Variants in RBM39 observed in about 807,000 individuals in gnomAD.
RBM39 encodes RNA-binding protein 39.
Under a neutral mutation model 79.6 loss-of-function variants are expected in RBM39, and 12 were observed. The observed-to-expected ratio is 0.15, with a 90% CI of 0.10 to 0.24. The LOEUF is 0.24. RBM39 is among the 10% of genes least tolerant of loss of function. RBM39 has a pLI of 1.00. For missense variants in RBM39, 243 were observed against 653.4 expected (o/e 0.37, Z 6.85); for synonymous variants, 185 against 208.4 (o/e 0.89, Z 0.97).
intron 9 of RBM39, among the ~76,000 whole-genome samples, chr20:35,719,233 T>C (rs1213884911): frequency 1.3e-5 from 2 of 152,086 alleles, no homozygotes; most frequent in African/African-American, 4.8e-5. Context: ...GGTTTCACCA[T>C]GCTGGCCAGA....
chr20:35,714,159 C>T, intron 11 of RBM39, 26 bp downstream of exon 11: 5 of 1,602,642 alleles, frequency 3.1e-6, no homozygotes, highest in Non-Finnish European at 2.6e-6. Context: ...CACAGTAAAT[C>T]ATTCGTAATA....
intron 1 of RBM39, 71 bp from the exon 2 acceptor site, chr20:35,740,958 T>G (rs1172649765): frequency 9.1e-7 from 1 of 1,101,760 alleles, no homozygotes; most frequent in Non-Finnish European, 1.4e-6. Flanking sequence ...TCACTCTTGT[T>G]GCCTATATCG....
At chr20:35,733,151 A>C (rs1345541433) in intron 3 of RBM39, among the ~76,000 whole-genome samples, 2 of 152,032 alleles carry the variant, frequency 1.3e-5, no homozygotes, top group African/African-American at 4.8e-5. Flanking sequence ...AAAAATACAA[A>C]AATTAGCCAG....
intron 10 of RBM39, among the ~76,000 whole-genome samples, chr20:35,715,098 ATAAGC>A (rs1344374157): frequency 1.3e-5 from 2 of 152,252 alleles, no homozygotes; most frequent in East Asian, 3.8e-4. Context: ...AAATGTAGAT[ATAAGC>A]TAACAATTTT....
intron 3 of RBM39, among the ~76,000 whole-genome samples, chr20:35,736,083 G>A (rs1280619972): frequency 1.3e-5 from 2 of 149,590 alleles, no homozygotes; most frequent in South Asian, 2.1e-4. Flanking sequence ...TCTGGCACTT[G>A]AAGCGAAATC....
chr20:35,728,834 T>C (rs925137263), intron 6 of RBM39, among the ~76,000 whole-genome samples: 5 of 151,594 alleles, frequency 3.3e-5, no homozygotes, highest in Admixed American at 2.6e-4. Flanking sequence ...TCCTACCACT[T>C]TGAGAGGCCA....
intron 12 of RBM39, among the ~76,000 whole-genome samples, chr20:35,712,295 C>T (rs1289110098): frequency 6.6e-6 from 1 of 150,814 alleles, no homozygotes; most frequent in Non-Finnish European, 1.5e-5. Flanking sequence ...ATGGTGAAAC[C>T]CCATCTCTAC....
At chr20:35,716,365 C>T (rs1018514758) in intron 10 of RBM39, among the ~76,000 whole-genome samples, 18 of 152,310 alleles carry the variant, frequency 1.2e-4, no homozygotes, top group Admixed American at 9.8e-4. Context: ...TAAGCCACCG[C>T]GCCCGGCCAC....
chr20:35,738,295 C>T (rs1430804314), intron 3 of RBM39, among the ~76,000 whole-genome samples: 1 of 152,160 alleles, frequency 6.6e-6, no homozygotes, highest in Non-Finnish European at 1.5e-5. Flanking sequence ...AAAAGTGGAT[C>T]TCATCATATC....
At chr20:35,708,940 C>T in intron 13 of RBM39, 2 of 286,994 alleles carry the variant, frequency 7.0e-6, no homozygotes, top group Non-Finnish European at 1.3e-5. Context: ...CTTATCAACA[C>T]TTAGAACACA....
rs888755382 is a variant in RBM39 at position 35,740,459 on chromosome 20, G to A, written c.51+365C>T. ...TTTTTGCTATACCAAACTGGAGGTG[G>A]TAATTCTTAGTTGAGTCATTTTACC... On this transcript the variant is annotated intron_variant, in intron 2 of 16. Transcript: ENST00000253363. 4.0e-6 allele frequency: 4 copies of A among 989,398 alleles called. No individual in the cohort carries two copies. The African/African-American group carries it at 6.7e-5, about 17-fold the overall frequency. The allele number at this position is 989,398 out of a possible 1,614,324, so 61.3% of individuals were successfully genotyped here.
intron 12 of RBM39, among the ~76,000 whole-genome samples, chr20:35,710,873 A>T (rs2036310190): frequency 6.6e-6 from 1 of 152,228 alleles, no homozygotes. Context: ...GCACTAAAAA[A>T]GGGAATGTAA....
intron 4 of RBM39, among the ~76,000 whole-genome samples, chr20:35,730,036 G>C (rs145010902): frequency 6.6e-6 from 1 of 152,154 alleles, no homozygotes; most frequent in Non-Finnish European, 1.5e-5. Flanking sequence ...AAAAACTAAA[G>C]TGAATTCTTT....
chr20:35,706,455 T>C (rs1015964959), intron 14 of RBM39, among the ~76,000 whole-genome samples: 3 of 152,170 alleles, frequency 2.0e-5, no homozygotes, highest in Admixed American at 2.0e-4. Flanking sequence ...TTCAAGACTC[T>C]TTGGATGAAA....
chr20:35,737,370 A>G (rs2040040911), intron 3 of RBM39, among the ~76,000 whole-genome samples: 3 of 147,848 alleles, frequency 2.0e-5, no homozygotes, highest in Admixed American at 2.0e-4. Context: ...AGCCTGGGCA[A>G]CAGACTGAAA....
Position 35,728,926 on chromosome 20 carries a change from A to C in RBM39, c.416+386T>G, listed in dbSNP as rs148734732. On this transcript the variant is annotated intron_variant, in intron 6 of 16. Coordinates refer to ENST00000253363, the MANE Select transcript of RBM39 (RefSeq NM_184234.3). ...AATCCCATCGCTACTAAAATAAAAA[A>C]ATAGCGAGGCATGGTGGTGCATGCC... Among the ~76,000 whole-genome samples, 1,320 of 151,760 alleles carry C rather than the reference A, an allele frequency of 8.7e-3. 20 individuals carry two copies. The highest frequency in any genetic ancestry group is 0.031 in the African/African-American group (1,263 of 41,322).
intron 3 of RBM39, chr20:35,734,845 C>T: frequency 7.0e-7 from 1 of 1,423,340 alleles, no homozygotes. Context: ...ATTACATTAA[C>T]TAAAGAAGGG....
At chr20:35,718,407 C>G (rs2037448308) in intron 9 of RBM39, among the ~76,000 whole-genome samples, 1 of 151,998 alleles carries the variant, frequency 6.6e-6, no homozygotes, top group Admixed American at 6.6e-5. Flanking sequence ...AACATTTAGG[C>G]TGGGCTCGGT....
At chr20:35,730,710 G>C (rs959046746) in intron 4 of RBM39, among the ~76,000 whole-genome samples, 5 of 151,746 alleles carry the variant, frequency 3.3e-5, no homozygotes, top group Non-Finnish European at 7.4e-5. Context: ...CCCTTATTTA[G>C]TTCATCCTGG....
Sources: gnomAD v4.1 joint callset for allele counts (sites outside exome capture counted in the v4.1 genomes callset) on GRCh38, gnomAD v4.1.1 for gene constraint, MANE v1.5 for transcripts, NCBI Gene and HGNC (gene_info 2026-07-23, HGNC 2026-07-21) for gene names.